PICALM: variants seen among roughly 807,000 people sequenced by gnomAD.
PICALM encodes the protein phosphatidylinositol binding clathrin assembly protein.
In PICALM, 40 loss-of-function variants were observed where a neutral mutation model predicts 80.5. The observed-to-expected ratio is 0.50, with a 90% confidence interval of 0.39 to 0.65. The LOEUF (loss-of-function observed/expected upper bound fraction) is 0.65. Ranked by LOEUF, PICALM falls within the 30% of genes least tolerant of loss-of-function variation. The probability of loss-of-function intolerance (pLI) is 0.00; values close to 1 mark genes in which losing one functional copy is unlikely to be tolerated. For synonymous variants in PICALM, 288 were observed against 260.3 expected, an observed-to-expected ratio of 1.11 and a Z score of -1.02; for missense variants, 676 against 778.9, an observed-to-expected ratio of 0.87 and a Z score of 1.57.
Position 86,069,022 on chromosome 11 carries a change from C to A in PICALM, c.-242G>T. 2.0e-6 allele frequency: 1 copy of A among 505,124 alleles called. No individual in the cohort carries two copies. Among genetic ancestry groups the A allele is most frequent in the Non-Finnish European group, 3.5e-6 (1 of 284,602 alleles). 31.3% of individuals were successfully genotyped at this position (505,124 alleles called of 1,614,324 possible). A position where few individuals can be genotyped will look rare whatever the true frequency, so the allele number is the denominator to read the frequency against. On this transcript the variant is annotated 5_prime_UTR_variant, in exon 1 of 20. Coordinates refer to ENST00000393346, the MANE Select transcript of PICALM (RefSeq NM_007166.4). ...CTTGCCCCCGCCTCAGTTCAGCCCA[C>A]CCCTTCCCGGGTCAGCTGGAGCCGG...
At chr11:86,021,667 C>A (rs1210904184) in intron 4 of PICALM, among the ~76,000 whole-genome samples, 2 of 152,124 alleles carry the variant, frequency 1.3e-5, no homozygotes, top group African/African-American at 4.8e-5. Context: ...CCATATGACA[C>A]AGCAATTCCA....
At chr11:86,026,821 T>A (rs886150962) in intron 2 of PICALM, among the ~76,000 whole-genome samples, 1 of 152,210 alleles carries the variant, frequency 6.6e-6, no homozygotes, top group African/African-American at 2.4e-5. Flanking sequence ...TCACTTCACA[T>A]CTTATATAGA....
intron 9 of PICALM, among the ~76,000 whole-genome samples, chr11:86,001,468 G>T (rs995087059): frequency 6.6e-6 from 1 of 152,212 alleles, no homozygotes; most frequent in South Asian, 2.1e-4. Context: ...GTGCAATTGG[G>T]AAAGAGCCCA....
At chr11:85,982,152 T>C (rs2094457925) in intron 14 of PICALM, 149 bp from the exon 15 acceptor site, 2 of 652,316 alleles carry the variant, frequency 3.1e-6, no homozygotes, top group Middle Eastern at 4.3e-4. Context: ...AAATGGAAAA[T>C]GAAGAAAGTC....
intron 2 of PICALM, 122 bp downstream of exon 2, chr11:86,031,347 A>G (rs1452056620): frequency 2.4e-5 from 17 of 694,488 alleles, no homozygotes; most frequent in Admixed American, 3.2e-5. Flanking sequence ...GTCTATAATT[A>G]TATTTCTGGC....
At chr11:86,056,566 T>A (rs1180005749) in intron 1 of PICALM, among the ~76,000 whole-genome samples, 1 of 152,094 alleles carries the variant, frequency 6.6e-6, no homozygotes, top group Non-Finnish European at 1.5e-5. Context: ...TCTTCATACA[T>A]TGCTGATGGG....
chr11:86,000,590 T>C lies in PICALM; in HGVS notation c.1154+53A>G, dbSNP rs188572816. The stretch of plus-strand genomic sequence containing the variant: ...CCTGAAAAGTTCTGCAAAATTTCTA[T>C]TAGAAGTCTTTGAACCTACATATTC... On this transcript the variant is annotated intron_variant, in intron 11 of 19. Transcript: ENST00000393346. The C allele has an allele frequency of 1.6e-3, 2,367 of 1,478,822 alleles. 4 individuals are homozygous for C. Among genetic ancestry groups the C allele is most frequent in the Non-Finnish European group, 2.0e-3 (2,165 of 1,085,356 alleles). 91.6% of individuals were successfully genotyped at this position (1,478,822 alleles called of 1,614,324 possible).
Position 86,068,639 on chromosome 11 carries a change from G to C in PICALM, c.130+12C>G, listed in dbSNP as rs766026582. On this transcript the variant is annotated intron_variant, in intron 1 of 19. Transcript: ENST00000393346. Reference sequence around the variant, plus strand: ...GCGCCGGGGAGCGGGGGCCGCGGTCGGCTTCACTCACAGTCCAGGTGCTTT... The same window carrying C: ...GCGCCGGGGAGCGGGGGCCGCGGTCCGCTTCACTCACAGTCCAGGTGCTTT... The C allele has an allele frequency of 6.3e-6, 10 of 1,598,508 alleles. No individual in the cohort carries two copies. The Admixed American group carries it at 9.0e-5, about 14-fold the overall frequency.
chr11:86,056,135 T>G (rs2458501), intron 1 of PICALM, among the ~76,000 whole-genome samples: 1 of 117,350 alleles, frequency 8.5e-6, no homozygotes, highest in Non-Finnish European at 1.7e-5. Context: ...ACTCTGTCTT[T>G]AAAAAAAAAA....
intron 17 of PICALM, among the ~76,000 whole-genome samples, chr11:85,979,798 C>T (rs2094388225): frequency 1.3e-5 from 2 of 152,100 alleles, no homozygotes; most frequent in Admixed American, 6.5e-5. Flanking sequence ...ACGTGTAGCC[C>T]GTGTAATCAA....
chr11:86,057,552 A>G (rs1033681530), intron 1 of PICALM, among the ~76,000 whole-genome samples: 3 of 148,946 alleles, frequency 2.0e-5, no homozygotes, highest in Non-Finnish European at 3.0e-5. Flanking sequence ...ACAAACAAAC[A>G]TATAAATAAA....
Position 85,976,637 on chromosome 11 carries a change from T to G in PICALM, c.1825A>C (p.Ile609Leu), listed in dbSNP as rs771616226. The change falls in exon 18 of 20, where the codon ATA becomes CTA. Residue 609 changes from isoleucine to leucine, a missense_variant. Physicochemically the swap from Ile to Leu is conservative, Grantham distance 5 (BLOSUM62 2). Transcript: ENST00000393346. ...AYPATTPTGM[I>L]GYGIPPQMGS... Reference sequence around the variant, plus strand: ...AAAATACTTACAATTCCATATCCTATCATGCCTGTTGGTGTAGTAGCAGGA... The same window carrying G: ...AAAATACTTACAATTCCATATCCTAGCATGCCTGTTGGTGTAGTAGCAGGA... 1.3e-6 allele frequency: 2 copies of G among 1,598,104 alleles called. No individual in the cohort carries two copies. Among genetic ancestry groups the G allele is most frequent in the South Asian group, 2.2e-5 (2 of 90,732 alleles).
chr11:86,033,348 T>A (rs2095792486), intron 1 of PICALM, among the ~76,000 whole-genome samples: 1 of 152,208 alleles, frequency 6.6e-6, no homozygotes, highest in Non-Finnish European at 1.5e-5. Context: ...ATCCATACTA[T>A]ATTCCCTTTG....
intron 1 of PICALM, among the ~76,000 whole-genome samples, chr11:86,064,368 AAC>A (rs2096412411): frequency 6.6e-6 from 1 of 152,192 alleles, no homozygotes; most frequent in Non-Finnish European, 1.5e-5. Flanking sequence ...TGAATTAAAA[AAC>A]AGAGACATAC....
At chr11:86,005,502 G>T (rs2095256782) in intron 8 of PICALM, among the ~76,000 whole-genome samples, 1 of 152,086 alleles carries the variant, frequency 6.6e-6, no homozygotes, top group South Asian at 2.1e-4. Flanking sequence ...CCAGTTGTTT[G>T]AGACCAGCCT....
At chr11:85,962,414 T>G (rs145640772) in intron 19 of PICALM, among the ~76,000 whole-genome samples, 1 of 152,294 alleles carries the variant, frequency 6.6e-6, no homozygotes, top group Non-Finnish European at 1.5e-5. Flanking sequence ...GCATCTAAAA[T>G]CAGAAGTTTC....
At chr11:86,037,693 T>C (rs1466464015) in intron 1 of PICALM, among the ~76,000 whole-genome samples, 2 of 121,528 alleles carry the variant, frequency 1.6e-5, no homozygotes, top group African/African-American at 3.1e-5. Context: ...AGCAAGACAC[T>C]GTCTAAAAAA....
intron 1 of PICALM, among the ~76,000 whole-genome samples, chr11:86,040,928 G>C (rs999401560): frequency 6.6e-6 from 1 of 152,140 alleles, no homozygotes; most frequent in East Asian, 1.9e-4. Flanking sequence ...TGGGGGTAAA[G>C]ATACAGCCTC....
chr11:85,984,074 C>T (rs1179338466), intron 13 of PICALM, 101 bp from the exon 14 acceptor site: 2 of 617,106 alleles, frequency 3.2e-6, no homozygotes, highest in East Asian at 6.4e-5. Flanking sequence ...ACTAAATTCC[C>T]CACACAAAAA....
Sources: allele counts gnomAD v4.1 joint callset (sites outside exome capture counted in the v4.1 genomes callset), GRCh38; gene constraint gnomAD v4.1.1; transcripts MANE v1.5; gene names NCBI Gene and HGNC (gene_info 2026-07-23, HGNC 2026-07-21).